Variants in CEP135 observed in about 807,000 individuals in gnomAD.
The protein encoded by CEP135 is centrosomal protein 135.
Under a neutral mutation model 157.3 loss-of-function variants are expected in CEP135, and 142 were observed. The observed-to-expected ratio is 0.90, with a 90% CI of 0.79 to 1.04. CEP135 has a LOEUF of 1.04. Ranked by LOEUF, CEP135 falls within the 50% of genes least tolerant of loss-of-function variation. CEP135 has a pLI of 0.00. For synonymous variants in CEP135, 396 were observed against 439.8 expected (o/e 0.90, Z 1.25); for missense variants, 1,317 against 1,309.2 (o/e 1.01, Z -0.09).
At chr4:55,949,600 T>A (rs1728292798) in intron 1 of CEP135, among the ~76,000 whole-genome samples, 1 of 152,226 alleles carries the variant, frequency 6.6e-6, no homozygotes. Context: ...TTCTTGTTTA[T>A]CTTCTTAAGC....
At chr4:55,959,805 A>G in intron 6 of CEP135, 39 bp downstream of exon 6, 1 of 1,430,364 alleles carries the variant, frequency 7.0e-7, no homozygotes, top group Non-Finnish European at 9.9e-7. Context: ...GGATTGAGAT[A>G]GGTATGCTGT....
rs533232621 is a variant in CEP135, at chr4:55,969,898, G to A, written c.1110+770G>A. Reference sequence around the variant, plus strand: ...TTATTTATTTATTTTTTGGAGACAGGGGCTTGCCTTGTCACCTAGACTGGA... The same window carrying A: ...TTATTTATTTATTTTTTGGAGACAGAGGCTTGCCTTGTCACCTAGACTGGA... On this transcript the variant is annotated intron_variant, in intron 9 of 25. Transcript: ENST00000257287. Among the ~76,000 whole-genome samples, 7 of 152,000 alleles carry A rather than the reference G, an allele frequency of 4.6e-5. No individual in the cohort carries two copies. The East Asian group carries it at 1.4e-3, about 29-fold the overall frequency.
At chr4:55,977,275 T>A (rs906083700) in intron 11 of CEP135, among the ~76,000 whole-genome samples, 4 of 152,080 alleles carry the variant, frequency 2.6e-5, no homozygotes, top group African/African-American at 9.7e-5. Context: ...CAGAAAAAAA[T>A]TGACATTTTT....
chr4:55,976,235 C>CAAAA (rs749867669), intron 11 of CEP135, among the ~76,000 whole-genome samples: 1 of 79,540 alleles, frequency 1.3e-5, no homozygotes. Context: ...GCCTGGGTGA[C>CAAAA]AAAAAAAAAA....
intron 14 of CEP135, among the ~76,000 whole-genome samples, chr4:55,988,177 A>AGGTAGGT (rs1729659284): frequency 6.7e-6 from 1 of 150,118 alleles, no homozygotes; most frequent in Admixed American, 6.7e-5. Context: ...CCCCAACTTG[A>AGGTAGGT]TCTATAGAGT....
chr4:55,977,241 C>T (rs1366617775), intron 11 of CEP135, among the ~76,000 whole-genome samples: 1 of 152,116 alleles, frequency 6.6e-6, no homozygotes, highest in Non-Finnish European at 1.5e-5. Context: ...GACTGTTAGG[C>T]ACAGTGTTGG....
At chr4:55,988,037 C>G (rs1729646012) in intron 14 of CEP135, among the ~76,000 whole-genome samples, 1 of 152,020 alleles carries the variant, frequency 6.6e-6, no homozygotes, top group South Asian at 2.1e-4. Flanking sequence ...ATACAATTTA[C>G]CTATGGATAA....
At position 56,031,591 on chromosome 4, in the gene CEP135, A is replaced by G. The variant is rs1731354862; in HGVS notation, c.*243A>G. ...AATATGTATTAATAGTGCCTAATGT[A>G]TCTATATTTTTATTATTCATGAATT... On this transcript the variant is annotated 3_prime_UTR_variant, in exon 26 of 26. Transcript: ENST00000257287. The G allele has an allele frequency of 1.3e-5, 2 of 152,468 alleles. No individual in the cohort carries two copies. Among genetic ancestry groups the G allele is most frequent in the African/African-American group, 4.8e-5 (2 of 41,464 alleles). 9.4% of individuals were successfully genotyped at this position (152,468 alleles called of 1,614,324 possible). A position where few individuals can be genotyped will look rare whatever the true frequency, so the allele number is the denominator to read the frequency against.
At chr4:55,983,638 CTT>C (rs11356001) in intron 13 of CEP135, among the ~76,000 whole-genome samples, 18 of 147,004 alleles carry the variant, frequency 1.2e-4, no homozygotes, top group Admixed American at 2.0e-4. Context: ...ACAATAGCCT[CTT>C]TTTTTTTTTT....
chr4:55,962,111 T>G (rs977451739), intron 6 of CEP135, among the ~76,000 whole-genome samples: 7 of 152,190 alleles, frequency 4.6e-5, no homozygotes, highest in Non-Finnish European at 1.0e-4. Flanking sequence ...CTCTTATTTT[T>G]TTTTTTGAGA....
At chr4:56,010,732 A>G (rs1730552322) in intron 19 of CEP135, among the ~76,000 whole-genome samples, 1 of 152,218 alleles carries the variant, frequency 6.6e-6, no homozygotes, top group South Asian at 2.1e-4. Flanking sequence ...TGGTTTCTTA[A>G]AAGATTGTAC....
At chr4:55,994,371 A>G (rs1729894630) in intron 15 of CEP135, among the ~76,000 whole-genome samples, 2 of 152,020 alleles carry the variant, frequency 1.3e-5, no homozygotes, top group Non-Finnish European at 2.9e-5. Context: ...ATGTGGTGAA[A>G]CCTTATCTCT....
chr4:56,001,698 G>GT (rs1421103019), intron 17 of CEP135, among the ~76,000 whole-genome samples: 4 of 151,760 alleles, frequency 2.6e-5, no homozygotes, highest in Non-Finnish European at 5.9e-5. Flanking sequence ...CTCCAGCTTT[G>GT]TTTTTTTGCT....
chr4:56,011,717 T>G, intron 20 of CEP135, 83 bp from the exon 21 acceptor site: 1 of 1,118,220 alleles, frequency 8.9e-7, no homozygotes, highest in Non-Finnish European at 1.3e-6. Context: ...CAGAATGCTG[T>G]GTATGTGTAT....
rs1423844350 is a variant in CEP135 at position 56,009,878 on chromosome 4, T to C, written c.2480T>C (p.Leu827Pro). ...GAAAACAGAAGACTGCAAGATGACCTGGCTACAATGGCAAGAGAAAATCAA... is the reference window on the plus strand; with the variant it reads ...GAAAACAGAAGACTGCAAGATGACCCGGCTACAATGGCAAGAGAAAATCAA... ...FKENRRLQDDLATMARENQEI... is the reference protein window; with the variant it reads ...FKENRRLQDDPATMARENQEI... Residue 827 changes from leucine (L) to proline (P), a missense_variant, in exon 19 of 26, where the codon CTG becomes CCG. Coordinates refer to ENST00000257287, the MANE Select transcript of CEP135 (RefSeq NM_025009.5). 5 of 1,613,180 alleles carry C rather than the reference T, an allele frequency of 3.1e-6. No individual in the cohort carries two copies. The highest frequency in any genetic ancestry group is 4.2e-6 in the Non-Finnish European group (5 of 1,179,856).
At chr4:55,989,340 T>C (rs1390895457) in intron 14 of CEP135, among the ~76,000 whole-genome samples, 1 of 152,228 alleles carries the variant, frequency 6.6e-6, no homozygotes, top group Admixed American at 6.5e-5. Flanking sequence ...TATACCCAAT[T>C]ATTTTAATTT....
chr4:55,999,256 A>C (rs551642508), intron 15 of CEP135, 46 bp from the exon 16 acceptor site: 3 of 1,360,822 alleles, frequency 2.2e-6, no homozygotes, highest in African/African-American at 2.9e-5. Flanking sequence ...ACGTATTTCT[A>C]TGAGAGATAA....
In CEP135 at chr4:55,980,235, A is replaced by T. The variant is rs750123617; in HGVS notation, c.1566A>T (p.Ile522=). Residue 522 remains isoleucine (I), a synonymous_variant, in exon 12 of 26, where the codon ATA becomes ATT. Coordinates refer to ENST00000257287, the MANE Select transcript of CEP135 (RefSeq NM_025009.5). ...LERFEKYMED[I]QSNVKLLTAE... Reference sequence around the variant, plus strand: ...GATTTGAAAAATATATGGAAGATATACAGTCCAATGTTAAATTATTGACAG... The same window carrying T: ...GATTTGAAAAATATATGGAAGATATTCAGTCCAATGTTAAATTATTGACAG... 3.8e-6 allele frequency: 6 copies of T among 1,578,618 alleles called. No individual in the cohort carries two copies. Among genetic ancestry groups the T allele is most frequent in the Non-Finnish European group, 5.2e-6 (6 of 1,148,638 alleles).
At chr4:56,029,294 T>C (rs1731258558) in intron 25 of CEP135, among the ~76,000 whole-genome samples, 1 of 152,168 alleles carries the variant, frequency 6.6e-6, no homozygotes, top group South Asian at 2.1e-4. Context: ...CATTAGCCAT[T>C]CATGATCAAT....
Sources: allele counts gnomAD v4.1 joint callset (sites outside exome capture counted in the v4.1 genomes callset), GRCh38; gene constraint gnomAD v4.1.1; transcripts MANE v1.5; gene names NCBI Gene and HGNC (gene_info 2026-07-23, HGNC 2026-07-21).